The following MEGF11 variants were observed in gnomAD, a reference collection of about 807,000 sequenced individuals.
MEGF11 encodes multiple EGF like domains 11.
MEGF11 carries 126 observed loss-of-function variants against 146.6 expected under a neutral mutation model. The observed-to-expected ratio is 0.86, with a 90% confidence interval of 0.74 to 1.00. MEGF11 has a LOEUF of 1.00. Among genes scored for constraint, MEGF11 ranks in the 50% least tolerant of loss-of-function variants. MEGF11 has a pLI of 0.00. For missense variants in MEGF11, 1,509 were observed against 1,521.2 expected, an observed-to-expected ratio of 0.99 and a Z score of 0.13; for synonymous variants, 532 against 583.4, an observed-to-expected ratio of 0.91 and a Z score of 1.27.
intron 8 of MEGF11, among the ~76,000 whole-genome samples, chr15:65,970,196 C>T (rs1039033772): frequency 5.3e-5 from 8 of 149,578 alleles, no homozygotes; most frequent in Non-Finnish European, 7.5e-5. Flanking sequence ...CAGAAGAAAT[C>T]GTGCAAAACA....
In MEGF11 at chr15:65,914,154, G is replaced by C; in HGVS notation, c.2474-181C>G. On this transcript the variant is annotated intron_variant, in intron 19 of 25. Coordinates refer to ENST00000395614, the MANE Select transcript of MEGF11 (RefSeq NM_001385028.1). ...TCACTGTGCCTTCATCCCTAAAGGG[G>C]ATGGAGTCTCAGGGTCATGACAAGG... 5.0e-6 allele frequency: 3 copies of C among 596,158 alleles called. No individual in the cohort carries two copies. In the South Asian group the frequency reaches 6.1e-5, roughly 12 times the overall value. The allele number at this position is 596,158 out of a possible 1,614,324, so 36.9% of individuals were successfully genotyped here. A position where few individuals can be genotyped will look rare whatever the true frequency, so the allele number is the denominator to read the frequency against.
In MEGF11 at chr15:66,158,901, G is replaced by C. The variant is rs539567298; in HGVS notation, c.-8-30490C>G. Among the ~76,000 whole-genome samples, 3 of 152,304 alleles carry C rather than the reference G, an allele frequency of 2.0e-5. No individual in the cohort carries two copies. In the South Asian group the frequency reaches 6.2e-4, roughly 32 times the overall value. ...ATATCTCAAAGTCCTCCATGCAGTA[G>C]CTTCTAAACTCTGTGTCTTTAGACG... On this transcript the variant is annotated intron_variant, in intron 1 of 25. Coordinates refer to ENST00000395614, the MANE Select transcript of MEGF11 (RefSeq NM_001385028.1).
intron 5 of MEGF11, among the ~76,000 whole-genome samples, chr15:66,046,388 A>G (rs1487511164): frequency 6.6e-6 from 1 of 152,246 alleles, no homozygotes; most frequent in Non-Finnish European, 1.5e-5. Context: ...CCCAGACTCC[A>G]GAAGTGTAGG....
intron 1 of MEGF11, among the ~76,000 whole-genome samples, 157 bp downstream of exon 1, chr15:66,253,448 G>C (rs1038300102): frequency 6.6e-6 from 1 of 152,198 alleles, no homozygotes; most frequent in African/African-American, 2.4e-5. Flanking sequence ...CGGCAGCCGG[G>C]ACCCGGGCAG....
Position 65,928,507 on chromosome 15 carries a change from G to T in MEGF11, c.1593C>A (p.Asn531Lys), listed in dbSNP as rs1305504584. ...LPCPDGTFGL[N>K]CSEHCDCSHA... ...GGCTGCAGTCACAGTGTTCACTGCAGTTCAGCCCAAATGTGCCATCCTGTG... is the reference window on the plus strand; with the variant it reads ...GGCTGCAGTCACAGTGTTCACTGCATTTCAGCCCAAATGTGCCATCCTGTG... The change falls in exon 13 of 26, where the codon AAC becomes AAA. Residue 531 changes from asparagine to lysine, a missense_variant. Coordinates refer to ENST00000395614, the MANE Select transcript of MEGF11 (RefSeq NM_001385028.1). 5.6e-6 allele frequency: 9 copies of T among 1,603,462 alleles called. 1 individual carries two copies. In the South Asian group the frequency reaches 1.0e-4, roughly 18 times the overall value.
chr15:66,238,327 G>C (rs1186794203), intron 1 of MEGF11, among the ~76,000 whole-genome samples: 2 of 152,210 alleles, frequency 1.3e-5, no homozygotes, highest in African/African-American at 4.8e-5. Flanking sequence ...TTTGCTAAAG[G>C]CTTTTCTGCG....
At chr15:66,218,410 C>G (rs574355313) in intron 1 of MEGF11, among the ~76,000 whole-genome samples, 14 of 152,262 alleles carry the variant, frequency 9.2e-5, no homozygotes, top group African/African-American at 3.4e-4. Flanking sequence ...TCATCATGCT[C>G]TAAAAGCTAA....
rs140117721 is a variant in MEGF11 at position 65,952,857 on chromosome 15, A to G, written c.1287+4690T>C. Among the ~76,000 whole-genome samples, 253 of 152,332 alleles carry G rather than the reference A, an allele frequency of 1.7e-3. 10 individuals carry two copies. In the East Asian group the frequency reaches 0.039, roughly 23 times the overall value. ...TGGGCAGCCACAGTGCAATTTACCA[A>G]TGCATACCCCAAGTGATTCTATCAC... On this transcript the variant is annotated intron_variant, in intron 10 of 25. Coordinates refer to ENST00000395614, the MANE Select transcript of MEGF11 (RefSeq NM_001385028.1).
At chr15:66,147,511 A>G (rs2089417782) in intron 1 of MEGF11, among the ~76,000 whole-genome samples, 1 of 152,242 alleles carries the variant, frequency 6.6e-6, no homozygotes, top group Non-Finnish European at 1.5e-5. Flanking sequence ...GGCCATTGCC[A>G]CGGTTGCTGG....
chr15:65,987,931 G>A (rs1030411748), intron 5 of MEGF11, among the ~76,000 whole-genome samples: 2 of 151,020 alleles, frequency 1.3e-5, no homozygotes, highest in Non-Finnish European at 2.9e-5. Context: ...GGATGGTTTC[G>A]ATCTCCTGAC....
intron 1 of MEGF11, among the ~76,000 whole-genome samples, chr15:66,178,867 C>T (rs182432044): frequency 2.6e-5 from 4 of 152,266 alleles, no homozygotes; most frequent in Admixed American, 6.5e-5. Flanking sequence ...CATGCTTCAA[C>T]GGACTCCAAA....
intron 5 of MEGF11, among the ~76,000 whole-genome samples, chr15:65,993,248 A>G (rs949367950): frequency 2.0e-5 from 3 of 152,204 alleles, no homozygotes; most frequent in African/African-American, 7.2e-5. Flanking sequence ...TATACCATAC[A>G]GCAATGAGGT....
intron 4 of MEGF11, among the ~76,000 whole-genome samples, chr15:66,098,212 T>C (rs1369575912): frequency 1.3e-5 from 2 of 152,140 alleles, no homozygotes; most frequent in African/African-American, 4.8e-5. Flanking sequence ...GACAGCGATC[T>C]TGGCACCAAG....
At chr15:66,194,945 A>G (rs1460380950) in intron 1 of MEGF11, among the ~76,000 whole-genome samples, 1 of 152,270 alleles carries the variant, frequency 6.6e-6, no homozygotes, top group South Asian at 2.1e-4. Flanking sequence ...TGCTCTTGCC[A>G]ACCAGGCTAA....
chr15:66,125,244 C>A (rs1410512174), intron 2 of MEGF11, among the ~76,000 whole-genome samples: 1 of 152,156 alleles, frequency 6.6e-6, no homozygotes, highest in Non-Finnish European at 1.5e-5. Context: ...AGCTGGCACA[C>A]CTGAGATATG....
chr15:66,059,899 C>T (rs191371101), intron 5 of MEGF11, among the ~76,000 whole-genome samples: 2 of 152,216 alleles, frequency 1.3e-5, no homozygotes, highest in East Asian at 1.9e-4. Context: ...CTATCTTGCT[C>T]GAAAAACAAC....
rs1555468629 is a variant in MEGF11 at position 66,082,514 on chromosome 15, T to TATATATAAATAA, written c.394+11887_394+11888insTTATTTATATAT. On this transcript the variant is annotated intron_variant, in intron 5 of 25. Transcript: ENST00000395614. ...CTATCTATCTATCTATCTATCTATCTATAAATAAATTAGCCAGGTGTGGTG... is the reference window on the plus strand; with the variant it reads ...CTATCTATCTATCTATCTATCTATCTATATATAAATAAATAAATAAATTAGCCAGGTGTGGTG... 2.2e-4 allele frequency among the ~76,000 whole-genome samples: 25 copies of TATATATAAATAA among 115,026 alleles called. No individual in the cohort carries two copies. In the South Asian group the frequency reaches 2.8e-3, roughly 13 times the overall value. 75.5% of individuals were successfully genotyped at this position (115,026 alleles called of 152,430 possible).
At chr15:65,901,748 CAT>C (rs1343570504) in intron 24 of MEGF11, 16 of 152,010 alleles carry the variant, frequency 1.1e-4, no homozygotes, top group South Asian at 4.2e-4. Context: ...TATTTTCTAA[CAT>C]GTGAGGAATA....
At chr15:66,251,707 G>A (rs2140274109) in intron 1 of MEGF11, among the ~76,000 whole-genome samples, 1 of 152,344 alleles carries the variant, frequency 6.6e-6, no homozygotes, top group African/African-American at 2.4e-5. Flanking sequence ...AAAAGGCCCT[G>A]ACCCAGAAGT....
Sources: allele counts gnomAD v4.1 joint callset (sites outside exome capture counted in the v4.1 genomes callset), GRCh38; gene constraint gnomAD v4.1.1; transcripts MANE v1.5; gene names NCBI Gene and HGNC (gene_info 2026-07-23, HGNC 2026-07-21).